Variants in SEZ6L observed in about 807,000 individuals in gnomAD.
SEZ6L encodes seizure related 6 homolog like.
Under a neutral mutation model 106.2 loss-of-function variants are expected in SEZ6L, and 37 were observed. The observed-to-expected ratio is 0.35, with a 90% CI of 0.27 to 0.46. The LOEUF is 0.46. SEZ6L is among the 20% of genes least tolerant of loss of function. SEZ6L has a pLI of 1.00. For synonymous variants in SEZ6L, 541 were observed against 570.4 expected (o/e 0.95, Z 0.73); for missense variants, 1,172 against 1,332.8 (o/e 0.88, Z 1.88).
intron 9 of SEZ6L, among the ~76,000 whole-genome samples, chr22:26,318,270 C>T (rs938495383): frequency 2.6e-5 from 4 of 151,964 alleles, no homozygotes; most frequent in African/African-American, 9.7e-5. Flanking sequence ...GATGGGGTTT[C>T]ACCATGTTGG....
intron 13 of SEZ6L, among the ~76,000 whole-genome samples, chr22:26,367,803 C>G (rs1487229676): frequency 3.3e-5 from 5 of 152,174 alleles, no homozygotes; most frequent in Non-Finnish European, 5.9e-5. Context: ...CTCTTAACGC[C>G]CCCAGTTTGT....
At position 26,344,032 on chromosome 22, in the gene SEZ6L, T is replaced by C. The variant is rs192955605; in HGVS notation, c.2212+3400T>C. On this transcript the variant is annotated intron_variant, in intron 10 of 16. Coordinates refer to ENST00000248933, the MANE Select transcript of SEZ6L (RefSeq NM_021115.5). Reference sequence around the variant, plus strand: ...TTCTGGCTCTAGATTTTACCATACATGGGAGTTACACAGATGTAACTCCCA... The same window carrying C: ...TTCTGGCTCTAGATTTTACCATACACGGGAGTTACACAGATGTAACTCCCA... Among the ~76,000 whole-genome samples the C allele has an allele frequency of 8.5e-4, 130 of 152,318 alleles. 1 individual carries two copies. In the East Asian group the frequency reaches 0.024, roughly 28 times the overall value.
Position 26,208,848 on chromosome 22 carries a change from CTCTG to C in SEZ6L, c.94+39087_94+39090del, listed in dbSNP as rs1332932236. ...GTTTTTTTCTACTTCTTGACTCTCT[CTCTG>C]TGTGTGTGTGTGTGTGTGTGTGTGT... On this transcript the variant is annotated intron_variant, in intron 1 of 16. Coordinates refer to ENST00000248933, the MANE Select transcript of SEZ6L (RefSeq NM_021115.5). 2.5e-3 allele frequency among the ~76,000 whole-genome samples: 269 copies of C among 106,852 alleles called. 1 individual carries two copies. Among genetic ancestry groups the C allele is most frequent in the Middle Eastern group, 4.7e-3 (1 of 214 alleles). The allele number at this position is 106,852 out of a possible 152,430, so 70.1% of individuals were successfully genotyped here. A position where few individuals can be genotyped will look rare whatever the true frequency, so the allele number is the denominator to read the frequency against.
At position 26,361,518 on chromosome 22, in the gene SEZ6L, AAAAT is replaced by A. The variant is rs1480253608; in HGVS notation, c.2600-3852_2600-3849del. On this transcript the variant is annotated intron_variant, in intron 12 of 16. Transcript: ENST00000248933. ...TGAGACTCTGTCTCAAAAAAAAAAAAAAATATATATATATATATATGTATTAAGT... is the reference window on the plus strand; with the variant it reads ...TGAGACTCTGTCTCAAAAAAAAAAAAATATATATATATATATGTATTAAGT... Among the ~76,000 whole-genome samples, 342 of 133,972 alleles carry A rather than the reference AAAAT, an allele frequency of 2.6e-3. 1 individual carries two copies. Among genetic ancestry groups the A allele is most frequent in the East Asian group, 6.6e-3 (20 of 3,032 alleles). 87.9% of individuals were successfully genotyped at this position (133,972 alleles called of 152,430 possible). A position where few individuals can be genotyped will look rare whatever the true frequency, so the allele number is the denominator to read the frequency against.
chr22:26,215,075 G>A (rs542112495), intron 1 of SEZ6L, among the ~76,000 whole-genome samples: 1 of 152,338 alleles, frequency 6.6e-6, no homozygotes, highest in South Asian at 2.1e-4. Flanking sequence ...ATGTTTCTCA[G>A]CCCTGAACTT....
intron 1 of SEZ6L, among the ~76,000 whole-genome samples, chr22:26,232,105 C>T (rs147952498): frequency 1.3e-5 from 2 of 152,190 alleles, no homozygotes; most frequent in Non-Finnish European, 2.9e-5. Context: ...TGAAATGGGG[C>T]TCATGGGGTA....
intron 1 of SEZ6L, among the ~76,000 whole-genome samples, chr22:26,233,518 C>T (rs1023247171): frequency 3.3e-5 from 5 of 152,206 alleles, no homozygotes; most frequent in East Asian, 1.9e-4. Flanking sequence ...AAGTCTATTA[C>T]GCTCATTTTA....
chr22:26,224,106 G>A (rs1367452392), intron 1 of SEZ6L, among the ~76,000 whole-genome samples: 1 of 152,168 alleles, frequency 6.6e-6, no homozygotes, highest in South Asian at 2.1e-4. Context: ...CAATCCTGGA[G>A]CCAATTGAAA....
At chr22:26,229,159 G>A (rs545429843) in intron 1 of SEZ6L, among the ~76,000 whole-genome samples, 52 of 152,260 alleles carry the variant, frequency 3.4e-4, no homozygotes, top group Admixed American at 5.9e-4. Flanking sequence ...ACCACACCTG[G>A]ATAATTTTTG....
At chr22:26,284,300 T>C (rs1418082843) in intron 1 of SEZ6L, among the ~76,000 whole-genome samples, 1 of 152,158 alleles carries the variant, frequency 6.6e-6, no homozygotes, top group East Asian at 1.9e-4. Context: ...ATCAATACAT[T>C]TTATTTAGAG....
At chr22:26,218,803 G>A (rs1380683049) in intron 1 of SEZ6L, among the ~76,000 whole-genome samples, 1 of 152,198 alleles carries the variant, frequency 6.6e-6, no homozygotes, top group African/African-American at 2.4e-5. Context: ...CAGGTGTAGT[G>A]GTGCATGCTT....
At chr22:26,232,346 T>TCACA (rs10654892) in intron 1 of SEZ6L, among the ~76,000 whole-genome samples, 10,523 of 133,142 alleles carry the variant, frequency 0.079, 511 homozygotes, top group Admixed American at 0.11. Flanking sequence ...TCTCTGTCTT[T>TCACA]CACACACACA....
At chr22:26,192,499 ACT>A (rs1940292155) in intron 1 of SEZ6L, among the ~76,000 whole-genome samples, 1 of 152,182 alleles carries the variant, frequency 6.6e-6, no homozygotes, top group African/African-American at 2.4e-5. Context: ...GTGAAATGAG[ACT>A]CTAACTCATC....
At chr22:26,221,005 T>G in intron 1 of SEZ6L, among the ~76,000 whole-genome samples, 1 of 149,930 alleles carries the variant, frequency 6.7e-6, no homozygotes, top group African/African-American at 2.5e-5. Context: ...GAAGGAAAGG[T>G]GAATGGATAA....
At chr22:26,229,117 C>T (rs2078722502) in intron 1 of SEZ6L, among the ~76,000 whole-genome samples, 1 of 152,222 alleles carries the variant, frequency 6.6e-6, no homozygotes, top group Non-Finnish European at 1.5e-5. Context: ...CTGCCTCAGC[C>T]TCCCGAGTGG....
chr22:26,198,664 G>A (rs1260310170), intron 1 of SEZ6L, among the ~76,000 whole-genome samples: 3 of 152,204 alleles, frequency 2.0e-5, no homozygotes, highest in Non-Finnish European at 2.9e-5. Flanking sequence ...CTTCCAGAGA[G>A]GATGAACACT....
intron 1 of SEZ6L, among the ~76,000 whole-genome samples, chr22:26,285,226 G>A (rs17303709): frequency 0.13 from 20,222 of 152,116 alleles, 1,512 homozygotes; most frequent in Non-Finnish European, 0.17. Flanking sequence ...GGCCAGTGAC[G>A]AGCATGTAAT....
intron 12 of SEZ6L, among the ~76,000 whole-genome samples, chr22:26,354,396 C>A (rs75041029): frequency 6.6e-6 from 1 of 152,140 alleles, no homozygotes; most frequent in South Asian, 2.1e-4. Context: ...GGACCCCCCC[C>A]AACCGCCCAC....
intron 15 of SEZ6L, among the ~76,000 whole-genome samples, chr22:26,376,035 G>T (rs1453338928): frequency 2.0e-5 from 3 of 152,148 alleles, no homozygotes; most frequent in Non-Finnish European, 4.4e-5. Flanking sequence ...CTGACAATCT[G>T]TTGTATATCA....
Sources: gnomAD v4.1 joint callset for allele counts (sites outside exome capture counted in the v4.1 genomes callset) on GRCh38, gnomAD v4.1.1 for gene constraint, MANE v1.5 for transcripts, NCBI Gene and HGNC (gene_info 2026-07-23, HGNC 2026-07-21) for gene names.